DPYSL2: variants seen among roughly 807,000 people sequenced by gnomAD.
DPYSL2 encodes dihydropyrimidinase like 2, also known as dihydropyrimidinase-related protein 2.
Under a neutral mutation model 69.9 loss-of-function variants are expected in DPYSL2, and 13 were observed. That is an observed-to-expected ratio of 0.19 (90% CI 0.12 to 0.30). The LOEUF (loss-of-function observed/expected upper bound fraction) is 0.30. DPYSL2 is among the 10% of genes least tolerant of loss of function. The probability of loss-of-function intolerance (pLI) is 1.00; values close to 1 mark genes in which losing one functional copy is unlikely to be tolerated. For synonymous variants in DPYSL2, 326 were observed against 359.1 expected, an observed-to-expected ratio of 0.91 and a Z score of 1.04; for missense variants, 587 against 918.9, an observed-to-expected ratio of 0.64 and a Z score of 4.67.
chr8:26,522,625 T>C (rs1283529773), intron 1 of DPYSL2, among the ~76,000 whole-genome samples: 1 of 152,198 alleles, frequency 6.6e-6, no homozygotes, highest in African/African-American at 2.4e-5. Flanking sequence ...TTCTCCTGCT[T>C]TATGGGCCGT....
At chr8:26,561,581 C>A (rs34697290) in intron 1 of DPYSL2, among the ~76,000 whole-genome samples, 14,850 of 151,788 alleles carry the variant, frequency 0.098, 814 homozygotes, top group Non-Finnish European at 0.12. Context: ...CCGCTACTCA[C>A]TTGGTCTTTC....
chr8:26,626,702 G>T lies in DPYSL2; in HGVS notation c.855+24G>T. 6.2e-7 allele frequency: 1 copy of T among 1,613,142 alleles called. No individual in the cohort carries two copies. The highest frequency in any genetic ancestry group is 1.1e-5 in the South Asian group (1 of 91,036). ...AGGTAAGAAAGTCGGCTTTTCGGAA[G>T]AGGCACCCTGACATTTGGTACCTTC... On this transcript the variant is annotated intron_variant, in intron 5 of 13. Coordinates refer to ENST00000521913, the MANE Select transcript of DPYSL2 (RefSeq NM_001197293.3). The surrounding 1 kb of genome is among the most constrained non-coding windows in gnomAD (Gnocchi z 4.3).
At chr8:26,544,567 C>T (rs551750473) in intron 1 of DPYSL2, among the ~76,000 whole-genome samples, 6 of 152,266 alleles carry the variant, frequency 3.9e-5, no homozygotes, top group South Asian at 4.1e-4. Context: ...CATGTAACAA[C>T]GGTTATATCT....
chr8:26,514,672 A>G lies in DPYSL2; in HGVS notation c.347A>G (p.Asn116Ser), dbSNP rs545755599. Residue 116 changes from asparagine (N) to serine (S), a missense_variant, in exon 1 of 14, where the codon AAC (asparagine) becomes AGC (serine). Transcript: ENST00000521913. The surrounding 1 kb of genome is among the most constrained non-coding windows in gnomAD (Gnocchi z 8.4). ...ASGKEALQNINDQSDRLLIKG... is the reference protein window; with the variant it reads ...ASGKEALQNISDQSDRLLIKG... ...GGCAAAGAAGCCCTGCAGAACATCA[A>G]CGACCAGGTCGGTGTGGGGGTTGGG... 2 of 1,164,092 alleles carry G rather than the reference A, an allele frequency of 1.7e-6. No individual in the cohort carries two copies. The highest frequency in any genetic ancestry group is 1.6e-5 in the South Asian group (1 of 61,756). The allele number at this position is 1,164,092 out of a possible 1,614,324, so 72.1% of individuals were successfully genotyped here.
At position 26,647,114 on chromosome 8, in the gene DPYSL2, T is replaced by G. The variant is rs541014293; in HGVS notation, c.1426-516T>G. On this transcript the variant is annotated intron_variant, in intron 10 of 13. Coordinates refer to ENST00000521913, the MANE Select transcript of DPYSL2 (RefSeq NM_001197293.3). The surrounding 1 kb of genome is among the most constrained non-coding windows in gnomAD (Gnocchi z 5.1). Reference sequence around the variant, plus strand: ...TGCAAATTAAACGAATTTTTTTTTGTTTTGAAATAATTATAGATTAAGAAG... The same window carrying G: ...TGCAAATTAAACGAATTTTTTTTTGGTTTGAAATAATTATAGATTAAGAAG... 6.6e-6 allele frequency among the ~76,000 whole-genome samples: 1 copy of G among 152,314 alleles called. No homozygotes were observed. The highest frequency in any genetic ancestry group is 2.1e-4 in the South Asian group (1 of 4,822).
In DPYSL2 at chr8:26,627,856, TC is replaced by T; in HGVS notation, c.937-15del. On this transcript the variant is annotated splice_polypyrimidine_tract_variant and intron_variant, in intron 6 of 13. Coordinates refer to ENST00000521913, the MANE Select transcript of DPYSL2 (RefSeq NM_001197293.3). This position sits in a 1 kb window ranked among gnomAD's most constrained non-coding sequence, Gnocchi z 6.9. ...TCCACTCTCCCTCACAGCCTGACTTTCTCTAAACATTGCAGGAGCAGCAGAG... is the reference window on the plus strand; with the variant it reads ...TCCACTCTCCCTCACAGCCTGACTTTTCTAAACATTGCAGGAGCAGCAGAG... The T allele has an allele frequency of 1.2e-6, 2 of 1,613,076 alleles. No homozygotes were observed. The highest frequency in any genetic ancestry group is 2.2e-5 in the South Asian group (2 of 90,826).
chr8:26,591,283 G>A lies in DPYSL2; in HGVS notation c.628+7300G>A, dbSNP rs1379427517. Among the ~76,000 whole-genome samples, 3 of 152,222 alleles carry A rather than the reference G, an allele frequency of 2.0e-5. No individual in the cohort carries two copies. The highest frequency in any genetic ancestry group is 4.4e-5 in the Non-Finnish European group (3 of 68,036). ...TTGACAGCTGGAACCGGGAGTGGAG[G>A]TGGGGCCCATGGGAATGCTAGGCTC... is the stretch of plus-strand genomic sequence containing the variant. On this transcript the variant is annotated intron_variant, in intron 3 of 13. Transcript: ENST00000521913. The surrounding 1 kb of genome is among the most constrained non-coding windows in gnomAD (Gnocchi z 5.8).
At chr8:26,572,012 G>A (rs775615682) in intron 1 of DPYSL2, among the ~76,000 whole-genome samples, 18 of 152,176 alleles carry the variant, frequency 1.2e-4, no homozygotes, top group Admixed American at 2.0e-4. Context: ...CTTTACTGCC[G>A]CATTCATTTC....
At chr8:26,546,341 T>C (rs1264832930) in intron 1 of DPYSL2, among the ~76,000 whole-genome samples, 11 of 152,236 alleles carry the variant, frequency 7.2e-5, no homozygotes, top group Non-Finnish European at 1.6e-4. Context: ...ATTAACCTTG[T>C]ATCTTGCAAC....
At chr8:26,555,041 A>C (rs945312671) in intron 1 of DPYSL2, among the ~76,000 whole-genome samples, 1 of 149,340 alleles carries the variant, frequency 6.7e-6, no homozygotes, top group Non-Finnish European at 1.5e-5. Flanking sequence ...CAATAGATGC[A>C]GTAAAACTAT....
At chr8:26,556,364 AG>A (rs1365101063) in intron 1 of DPYSL2, among the ~76,000 whole-genome samples, 3 of 53,940 alleles carry the variant, frequency 5.6e-5, no homozygotes, top group African/African-American at 2.0e-4. Flanking sequence ...ATATATATAT[AG>A]TATATATATA....
In DPYSL2 at chr8:26,609,344, C is replaced by T. The variant is rs11775967; in HGVS notation, c.629-14799C>T. On this transcript the variant is annotated intron_variant, in intron 3 of 13. Transcript: ENST00000521913. This position sits in a 1 kb window ranked among gnomAD's most constrained non-coding sequence, Gnocchi z 6.5. ...AACAATGGCTTTGGGGCTTTTGGGG[C>T]GCATTTAGTTCTGCACGTTGTGTAT... Among the ~76,000 whole-genome samples, 12 of 151,894 alleles carry T rather than the reference C, an allele frequency of 7.9e-5. No individual in the cohort carries two copies. Among genetic ancestry groups the T allele is most frequent in the African/African-American group, 2.2e-4 (9 of 41,312 alleles).
intron 3 of DPYSL2, among the ~76,000 whole-genome samples, chr8:26,599,694 G>T (rs1009183184): frequency 5.3e-5 from 8 of 151,462 alleles, no homozygotes; most frequent in Non-Finnish European, 1.2e-4. Flanking sequence ...TCCAGCATGG[G>T]TAATAGAGCA....
In DPYSL2 at chr8:26,643,926, C is replaced by T. The variant is rs1223026282; in HGVS notation, c.1284-24C>T. 2 of 1,609,910 alleles carry T rather than the reference C, an allele frequency of 1.2e-6. No homozygotes were observed. Among genetic ancestry groups the T allele is most frequent in the African/African-American group, 1.3e-5 (1 of 74,994 alleles). On this transcript the variant is annotated intron_variant, in intron 9 of 13. Transcript: ENST00000521913. This position sits in a 1 kb window ranked among gnomAD's most constrained non-coding sequence, Gnocchi z 6.5. ...ACAGCATCTTGACGAAGCTGCAGCACCACGTTATGCATTTTCTTTGCAGTG... is the reference window on the plus strand; with the variant it reads ...ACAGCATCTTGACGAAGCTGCAGCATCACGTTATGCATTTTCTTTGCAGTG...
Position 26,610,416 on chromosome 8 carries a change from A to G in DPYSL2, c.629-13727A>G, listed in dbSNP as rs917078775. ...TTATGTCTGTTGACAGAGGGTCTCT[A>G]TGCTTCTTCCTTTTCTAGCATTTAC... is the stretch of plus-strand genomic sequence containing the variant. On this transcript the variant is annotated intron_variant, in intron 3 of 13. Coordinates refer to ENST00000521913, the MANE Select transcript of DPYSL2 (RefSeq NM_001197293.3). The surrounding 1 kb of genome is among the most constrained non-coding windows in gnomAD (Gnocchi z 4.5). Among the ~76,000 whole-genome samples, 3 of 152,116 alleles carry G rather than the reference A, an allele frequency of 2.0e-5. No individual in the cohort carries two copies. Among genetic ancestry groups the G allele is most frequent in the African/African-American group, 7.2e-5 (3 of 41,404 alleles).
chr8:26,518,320 G>A (rs907528672), intron 1 of DPYSL2, among the ~76,000 whole-genome samples: 6 of 152,252 alleles, frequency 3.9e-5, no homozygotes, highest in African/African-American at 1.4e-4. Flanking sequence ...AGACCCACCC[G>A]GGTTCAAAAG....
At chr8:26,521,397 G>C (rs1808381746) in intron 1 of DPYSL2, among the ~76,000 whole-genome samples, 1 of 152,060 alleles carries the variant, frequency 6.6e-6, no homozygotes, top group South Asian at 2.1e-4. Context: ...TCATTGGGCT[G>C]TCCTAGGAAT....
chr8:26,636,455 G>A (rs895488088), intron 8 of DPYSL2, among the ~76,000 whole-genome samples: 5 of 152,214 alleles, frequency 3.3e-5, no homozygotes, highest in African/African-American at 7.2e-5. Flanking sequence ...ATGATGATAC[G>A]TGAGTTAGGC....
intron 1 of DPYSL2, among the ~76,000 whole-genome samples, chr8:26,538,849 G>A (rs192405248): frequency 2.0e-5 from 3 of 152,320 alleles, no homozygotes; most frequent in Non-Finnish European, 2.9e-5. Flanking sequence ...CCCCCAGTGA[G>A]ATAAAAGAAG....
Sources: allele counts gnomAD v4.1 joint callset (sites outside exome capture counted in the v4.1 genomes callset), GRCh38; gene constraint gnomAD v4.1.1; non-coding constraint Gnocchi (gnomAD v3.1); transcripts MANE v1.5; gene names NCBI Gene and HGNC (gene_info 2026-07-23, HGNC 2026-07-21).